LETM1: variants seen among roughly 807,000 people sequenced by gnomAD.
LETM1 encodes the protein mitochondrial proton/calcium exchanger protein.
LETM1 carries 50 observed loss-of-function variants against 74.5 expected under a neutral mutation model. That is an observed-to-expected ratio of 0.67 (90% CI 0.53 to 0.85). The LOEUF (loss-of-function observed/expected upper bound fraction) is 0.85, where lower values mean the gene tolerates loss of function less well. Among genes scored for constraint, LETM1 ranks in the 40% least tolerant of loss-of-function variants. The pLI is 0.00. For missense variants in LETM1, 824 were observed against 967.8 expected, an observed-to-expected ratio of 0.85 and a Z score of 1.97; for synonymous variants, 446 against 407.1, an observed-to-expected ratio of 1.10 and a Z score of -1.15.
intron 6 of LETM1, among the ~76,000 whole-genome samples, chr4:1,829,878 A>G (rs1455613453): frequency 2.6e-5 from 4 of 152,182 alleles, no homozygotes; most frequent in African/African-American, 9.7e-5. Flanking sequence ...CGACACACAC[A>G]CACACACACG....
rs956180201 is a variant in LETM1, at chr4:1,819,617, G to A, written c.1609-145C>T. 2.4e-4 allele frequency: 217 copies of A among 905,216 alleles called. 3 individuals are homozygous for A. The highest frequency in any genetic ancestry group is 1.4e-3 in the Admixed American group (46 of 32,798). 56.1% of individuals were successfully genotyped at this position (905,216 alleles called of 1,614,324 possible). On this transcript the variant is annotated intron_variant, in intron 10 of 13. Coordinates refer to ENST00000302787, the MANE Select transcript of LETM1 (RefSeq NM_012318.3). ...CAGTCATTGGTAACAAGAGACCCGC[G>A]GGGTTCAGGTTCACTGCTGCGCTGG... is the stretch of plus-strand genomic sequence containing the variant.
At chr4:1,833,207 G>A (rs1230476018) in intron 5 of LETM1, 1 of 475,104 alleles carries the variant, frequency 2.1e-6, no homozygotes, top group African/African-American at 2.0e-5. Context: ...GAGTAGCTGG[G>A]ATTACAGGCT....
intron 2 of LETM1, among the ~76,000 whole-genome samples, chr4:1,848,232 C>T (rs1187500290): frequency 4.0e-5 from 6 of 151,854 alleles, no homozygotes; most frequent in South Asian, 2.1e-4. Context: ...GGTGAAACCC[C>T]GTCTCTAATA....
At chr4:1,823,521 G>C in intron 8 of LETM1, 123 bp downstream of exon 8, 1 of 1,221,956 alleles carries the variant, frequency 8.2e-7, no homozygotes, top group Non-Finnish European at 1.2e-6. Flanking sequence ...CTCGCGAGGG[G>C]GTGGGAGGCA....
intron 8 of LETM1, among the ~76,000 whole-genome samples, chr4:1,823,426 T>C (rs989752290): frequency 7.0e-6 from 1 of 142,692 alleles, no homozygotes; most frequent in African/African-American, 2.6e-5. Flanking sequence ...TCGGGACCAC[T>C]GGCAACTGTG....
chr4:1,836,680 G>A lies in LETM1; in HGVS notation c.595-108C>T, dbSNP rs1156457240. On this transcript the variant is annotated intron_variant, in intron 3 of 13. Transcript: ENST00000302787. The surrounding 1 kb of genome is among the most constrained non-coding windows in gnomAD (Gnocchi z 5.8). Reference sequence around the variant, plus strand: ...GTTTATAGGCACAACCTCAGGCAGCGACTCACAGGACCCACTGAGGACTCT... The same window carrying A: ...GTTTATAGGCACAACCTCAGGCAGCAACTCACAGGACCCACTGAGGACTCT... The A allele has an allele frequency of 3.6e-5, 42 of 1,175,290 alleles. No individual in the cohort carries two copies. Among genetic ancestry groups the A allele is most frequent in the Admixed American group, 8.8e-5 (4 of 45,330 alleles). The allele number at this position is 1,175,290 out of a possible 1,614,324, so 72.8% of individuals were successfully genotyped here.
chr4:1,823,147 C>G lies in LETM1; in HGVS notation c.1333-16G>C, dbSNP rs750488665. The G allele has an allele frequency of 6.4e-7, 1 of 1,569,040 alleles. No homozygotes were observed. The highest frequency in any genetic ancestry group is 1.8e-5 in the Admixed American group (1 of 56,452). On this transcript the variant is annotated splice_polypyrimidine_tract_variant and intron_variant, in intron 8 of 13. Coordinates refer to ENST00000302787, the MANE Select transcript of LETM1 (RefSeq NM_012318.3). ...CTTCCTTTGCCTTCAGAAGAGGGTA[C>G]ATCTGTGGGTGAGCCCAGAAGCCAC...
At chr4:1,848,775 A>G (rs1560508665) in intron 2 of LETM1, among the ~76,000 whole-genome samples, 1 of 151,722 alleles carries the variant, frequency 6.6e-6, no homozygotes, top group Non-Finnish European at 1.5e-5. Flanking sequence ...ACCTACAGAC[A>G]TTAAATGAGA....
At chr4:1,825,240 A>T (rs1310502812) in intron 7 of LETM1, among the ~76,000 whole-genome samples, 1 of 152,264 alleles carries the variant, frequency 6.6e-6, no homozygotes, top group Non-Finnish European at 1.5e-5. Flanking sequence ...AACACGTCCG[A>T]CATCTCAGAG....
Position 1,823,855 on chromosome 4 carries a change from CA to C in LETM1, c.1201-81del, listed in dbSNP as rs1394107916. 2.8e-6 allele frequency: 4 copies of C among 1,442,604 alleles called. No homozygotes were observed. In the East Asian group the frequency reaches 9.2e-5, roughly 33 times the overall value. 89.4% of individuals were successfully genotyped at this position (1,442,604 alleles called of 1,614,324 possible). ...ACAGCAGGTCCGCCCATCTCATCACCAGAATAGCTCTCAGAGAAGACAGTGT... is the reference window on the plus strand; with the variant it reads ...ACAGCAGGTCCGCCCATCTCATCACCGAATAGCTCTCAGAGAAGACAGTGT... On this transcript the variant is annotated intron_variant, in intron 7 of 13. Transcript: ENST00000302787.
At chr4:1,829,232 C>T (rs1156396347) in intron 6 of LETM1, among the ~76,000 whole-genome samples, 1 of 147,806 alleles carries the variant, frequency 6.8e-6, no homozygotes. Flanking sequence ...GACCCCCCCA[C>T]CTCCCTCCCG....
intron 1 of LETM1, among the ~76,000 whole-genome samples, chr4:1,855,428 A>T (rs1418345606): frequency 1.3e-5 from 2 of 152,166 alleles, no homozygotes; most frequent in African/African-American, 4.8e-5. Flanking sequence ...CTCATCAGTG[A>T]CGGACCAGGA....
intron 2 of LETM1, among the ~76,000 whole-genome samples, chr4:1,846,137 G>A (rs1435743120): frequency 8.5e-5 from 13 of 152,184 alleles, no homozygotes; most frequent in Admixed American, 2.0e-4. Context: ...GATTAGAGAC[G>A]TGAGCCACTG....
chr4:1,834,868 C>G lies in LETM1; in HGVS notation c.853G>C (p.Asp285His). The change falls in exon 5 of 14, where the codon GAC becomes CAC. Residue 285 changes from aspartate to histidine, a missense_variant. Physicochemically the swap from Asp to His is moderately conservative, Grantham distance 81. This residue lies in a region of LETM1 where 269 missense variants were observed against 348.8 expected (regional missense o/e 0.77). Transcript: ENST00000302787. The surrounding 1 kb of genome is among the most constrained non-coding windows in gnomAD (Gnocchi z 5.0). ...NKAAKGSATK[D>H]FSVFFQKIRE... The stretch of plus-strand genomic sequence containing the variant: ...ACCTTCTGGAAAAACACAGAGAAGT[C>G]TTTGGTGGCGCTGCCCTTGGCTGCC... The G allele has an allele frequency of 1.2e-6, 2 of 1,614,194 alleles. No homozygotes were observed. Among genetic ancestry groups the G allele is most frequent in the Non-Finnish European group, 1.7e-6 (2 of 1,180,020 alleles).
intron 2 of LETM1, chr4:1,842,956 A>G: frequency 3.3e-6 from 1 of 299,708 alleles, no homozygotes. Context: ...GGCACACTAG[A>G]AACTCCCCTG....
chr4:1,850,282 G>T (rs771958212), intron 1 of LETM1, among the ~76,000 whole-genome samples: 1 of 152,144 alleles, frequency 6.6e-6, no homozygotes, highest in Non-Finnish European at 1.5e-5. Flanking sequence ...CCCCAGTTAT[G>T]AAAACAGTAT....
intron 6 of LETM1, among the ~76,000 whole-genome samples, chr4:1,828,267 G>A (rs1439494163): frequency 3.7e-5 from 5 of 133,764 alleles, no homozygotes; most frequent in African/African-American, 8.5e-5. Flanking sequence ...GCGGCTGGCC[G>A]GGCGGGGGGC....
chr4:1,849,227 G>A lies in LETM1; in HGVS notation c.83-18C>T. On this transcript the variant is annotated intron_variant, in intron 1 of 13. Transcript: ENST00000302787. Reference sequence around the variant, plus strand: ...TGGACTACCTGTAACAGGAACAGGGGAAAATAAATGAGTAGTAAATCAGGG... The same window carrying A: ...TGGACTACCTGTAACAGGAACAGGGAAAAATAAATGAGTAGTAAATCAGGG... 3 of 1,573,970 alleles carry A rather than the reference G, an allele frequency of 1.9e-6. No individual in the cohort carries two copies. Among genetic ancestry groups the A allele is most frequent in the African/African-American group, 1.3e-5 (1 of 74,186 alleles).
intron 8 of LETM1, 38 bp downstream of exon 8, chr4:1,823,606 G>A (rs868410213): frequency 6.2e-7 from 1 of 1,610,526 alleles, no homozygotes; most frequent in Middle Eastern, 2.0e-4. Context: ...AGCCACCTAT[G>A]AAGAGATGAG....
Sources: allele counts gnomAD v4.1 joint callset (sites outside exome capture counted in the v4.1 genomes callset), GRCh38; gene constraint gnomAD v4.1.1; regional missense constraint gnomAD v4.1.1; non-coding constraint Gnocchi (gnomAD v3.1); transcripts MANE v1.5; gene names NCBI Gene and HGNC (gene_info 2026-07-23, HGNC 2026-07-21).